The following AP4E1 variants were observed in gnomAD, a reference collection of about 807,000 sequenced individuals.
AP4E1 encodes the protein adaptor related protein complex 4 subunit epsilon 1.
In AP4E1, 56 loss-of-function variants were observed where a neutral mutation model predicts 128.2. That is an observed-to-expected ratio of 0.44 (90% CI 0.35 to 0.55). AP4E1 has a LOEUF of 0.55. Among genes scored for constraint, AP4E1 ranks in the 20% least tolerant of loss-of-function variants. AP4E1 has a pLI of 0.00. For missense variants in AP4E1, 1,324 were observed against 1,307.7 expected (o/e 1.01, Z -0.19); for synonymous variants, 484 against 473.1 (o/e 1.02, Z -0.30).
At chr15:50,950,229 A>T in intron 13 of AP4E1, 60 bp downstream of exon 13, 1 of 1,209,576 alleles carries the variant, frequency 8.3e-7, no homozygotes, top group Non-Finnish European at 1.2e-6. Flanking sequence ...ACCAAATGTT[A>T]ACATATTTTC....
intron 14 of AP4E1, among the ~76,000 whole-genome samples, chr15:50,962,658 A>G (rs535984524): frequency 1.3e-4 from 20 of 152,200 alleles, no homozygotes; most frequent in African/African-American, 4.8e-4. Flanking sequence ...TACTAGAAGA[A>G]AACTTAGAGG....
intron 11 of AP4E1, 46 bp downstream of exon 11, chr15:50,948,205 A>G: frequency 2.1e-6 from 2 of 937,094 alleles, no homozygotes; most frequent in African/African-American, 1.6e-5. Flanking sequence ...TTAGTTATGC[A>G]GTGACTTTAA....
At chr15:50,926,938 T>C (rs1365566587) in intron 5 of AP4E1, among the ~76,000 whole-genome samples, 2 of 152,204 alleles carry the variant, frequency 1.3e-5, no homozygotes, top group East Asian at 1.9e-4. Flanking sequence ...CCAGCTAAAA[T>C]GATAGCTTTT....
At chr15:50,995,150 G>A (rs1342136879) in intron 17 of AP4E1, among the ~76,000 whole-genome samples, 3 of 152,110 alleles carry the variant, frequency 2.0e-5, no homozygotes, top group Admixed American at 6.5e-5. Context: ...GACAGGATTG[G>A]GACTAACTGA....
chr15:50,999,711 TA>T (rs369855014), intron 19 of AP4E1, among the ~76,000 whole-genome samples: 1 of 152,304 alleles, frequency 6.6e-6, no homozygotes, highest in African/African-American at 2.4e-5. Context: ...AACTTTTTTT[TA>T]TTATTATACT....
chr15:50,926,192 C>T (rs966475400), intron 5 of AP4E1, among the ~76,000 whole-genome samples: 5 of 151,890 alleles, frequency 3.3e-5, no homozygotes, highest in African/African-American at 9.7e-5. Flanking sequence ...GGCTGGAGTG[C>T]GGTGGAGTGA....
intron 11 of AP4E1, among the ~76,000 whole-genome samples, 163 bp downstream of exon 11, chr15:50,948,322 G>GACCTCTTAGGAGGAGATTTTTC (rs2064091431): frequency 6.9e-6 from 1 of 145,376 alleles, no homozygotes; most frequent in Non-Finnish European, 1.5e-5. Context: ...GATTTGTGTA[G>GACCTCTTAGGAGGAGATTTTTC]ACCTCTTAGG....
Position 50,997,744 on chromosome 15 carries a change from G to A in AP4E1, c.2765G>A (p.Cys922Tyr). The A allele has an allele frequency of 6.2e-7, 1 of 1,613,670 alleles. No individual in the cohort carries two copies. Among genetic ancestry groups the A allele is most frequent in the Non-Finnish European group, 8.5e-7 (1 of 1,179,902 alleles). ...EYIHSNAMEV[C>Y]NNETISVSSY... ...ATACACTCAAATGCTATGGAAGTCT[G>A]TAATAATGAAACTATATCAGTGTCT... The change falls in exon 18 of 21, where the codon TGT (cysteine) becomes TAT (tyrosine). Residue 922 changes from cysteine to tyrosine, a missense_variant. By Grantham distance (194) the Cys-to-Tyr change is radical. Transcript: ENST00000261842.
Position 50,989,926 on chromosome 15 carries a change from G to A in AP4E1, c.2091-3444G>A, listed in dbSNP as rs146369579. On this transcript the variant is annotated intron_variant, in intron 16 of 20. Coordinates refer to ENST00000261842, the MANE Select transcript of AP4E1 (RefSeq NM_007347.5). ...CAGCTCACACATTATTTCAGAAGAG[G>A]AACATAGTAATTGGCAAGGTGAATC... 2.1e-3 allele frequency among the ~76,000 whole-genome samples: 318 copies of A among 152,230 alleles called. 2 individuals are homozygous for A. The highest frequency in any genetic ancestry group is 3.4e-3 in the Admixed American group (52 of 15,286).
intron 11 of AP4E1, among the ~76,000 whole-genome samples, chr15:50,948,967 C>T (rs960518407): frequency 2.3e-4 from 33 of 143,924 alleles, no homozygotes; most frequent in Non-Finnish European, 2.3e-4. Context: ...AGCGAAACTC[C>T]GTCTCAAAAA....
At chr15:50,991,042 G>C (rs999384740) in intron 16 of AP4E1, among the ~76,000 whole-genome samples, 1 of 152,196 alleles carries the variant, frequency 6.6e-6, no homozygotes, top group Non-Finnish European at 1.5e-5. Context: ...TGACCCTTCA[G>C]AGTTGTGCTG....
rs532699501 is a variant in AP4E1, at chr15:50,956,867, G to A, written c.1549-1625G>A. Reference sequence around the variant, plus strand: ...GAAATTCCCCTTGACCCCTTTGTGGGCTTTGAGACGGGTGCTTCACTTACT... The same window carrying A: ...GAAATTCCCCTTGACCCCTTTGTGGACTTTGAGACGGGTGCTTCACTTACT... On this transcript the variant is annotated intron_variant, in intron 13 of 20. Transcript: ENST00000261842. Among the ~76,000 whole-genome samples, 23 of 152,268 alleles carry A rather than the reference G, an allele frequency of 1.5e-4. 1 individual carries two copies. The highest frequency in any genetic ancestry group is 5.3e-4 in the African/African-American group (22 of 41,550).
chr15:50,999,396 G>C (rs1449620457), intron 19 of AP4E1, 134 bp downstream of exon 19: 2 of 678,060 alleles, frequency 2.9e-6, no homozygotes, highest in Non-Finnish European at 4.9e-6. Flanking sequence ...TCCTACGTTA[G>C]AGGAATTTCT....
At chr15:50,960,321 C>T (rs574124176) in intron 14 of AP4E1, among the ~76,000 whole-genome samples, 2 of 152,250 alleles carry the variant, frequency 1.3e-5, no homozygotes, top group East Asian at 3.9e-4. Context: ...GCAGAATACA[C>T]ATTCTTCTCA....
chr15:50,949,899 C>G lies in AP4E1; in HGVS notation c.1390C>G (p.Pro464Ala). The change falls in exon 12 of 21, where the codon CCT (proline) becomes GCT (alanine). Residue 464 changes from proline (P) to alanine (A), a missense_variant. Pro to Ala is a conservative substitution (Grantham distance 27). Transcript: ENST00000261842. Reference sequence around the variant, plus strand: ...TTCAGTAGGAGGAGATGTAATGCATCCTGATATTCCCAATAACTTTCTGAG... The same window carrying G: ...TTCAGTAGGAGGAGATGTAATGCATGCTGATATTCCCAATAACTTTCTGAG... ...VFSVGGDVMH[P>A]DIPNNFLRLL... The G allele has an allele frequency of 4.3e-6, 7 of 1,613,724 alleles. No homozygotes were observed. The highest frequency in any genetic ancestry group is 5.9e-6 in the Non-Finnish European group (7 of 1,179,756).
intron 11 of AP4E1, 131 bp from the exon 12 acceptor site, chr15:50,949,695 T>C (rs2064117778): frequency 1.2e-5 from 9 of 727,156 alleles, no homozygotes; most frequent in Non-Finnish European, 2.0e-5. Context: ...TACAGAACAA[T>C]TTATGGCAGA....
intron 2 of AP4E1, among the ~76,000 whole-genome samples, chr15:50,913,978 T>G (rs1337677935): frequency 1.3e-5 from 2 of 152,040 alleles, no homozygotes; most frequent in South Asian, 2.1e-4. Flanking sequence ...TCCCCACGCC[T>G]GGCTAATTTT....
chr15:50,911,888 C>T (rs1182225558), intron 1 of AP4E1, among the ~76,000 whole-genome samples, 190 bp from the exon 2 acceptor site: 1 of 152,140 alleles, frequency 6.6e-6, no homozygotes, highest in Non-Finnish European at 1.5e-5. Context: ...TTATTCTCTC[C>T]AGGGATGGTT....
intron 1 of AP4E1, 53 bp from the exon 2 acceptor site, chr15:50,912,025 T>C: frequency 7.5e-7 from 1 of 1,339,898 alleles, no homozygotes. Flanking sequence ...ATAAATGCTG[T>C]TACAGTTTTA....
Sources: allele counts gnomAD v4.1 joint callset (sites outside exome capture counted in the v4.1 genomes callset), GRCh38; gene constraint gnomAD v4.1.1; transcripts MANE v1.5; gene names NCBI Gene and HGNC (gene_info 2026-07-23, HGNC 2026-07-21).